Variants in EPAS1 observed in about 807,000 individuals in gnomAD.
The protein encoded by EPAS1 is endothelial PAS domain protein 1.
Under a neutral mutation model 87.9 loss-of-function variants are expected in EPAS1, and 23 were observed. That is an observed-to-expected ratio of 0.26 (90% CI 0.19 to 0.37). The LOEUF (loss-of-function observed/expected upper bound fraction) is 0.37, where lower values mean the gene tolerates loss of function less well. Ranked by LOEUF, EPAS1 falls within the 10% of genes least tolerant of loss-of-function variation. EPAS1 has a pLI of 1.00. For missense variants in EPAS1, 1,138 were observed against 1,120.7 expected, an observed-to-expected ratio of 1.02 and a Z score of -0.22; for synonymous variants, 508 against 444.3, an observed-to-expected ratio of 1.14 and a Z score of -1.80.
chr2:46,356,743 G>A lies in EPAS1; in HGVS notation c.389G>A (p.Ser130Asn). 6.2e-7 allele frequency: 1 copy of A among 1,613,812 alleles called. No homozygotes were observed. The highest frequency in any genetic ancestry group is 2.2e-5 in the East Asian group (1 of 44,878). The change falls in exon 4 of 16, where the codon AGT becomes AAT. Residue 130 changes from serine to asparagine, a missense_variant. Around this residue, in one of 4 missense-constraint regions of EPAS1, gnomAD observed 351 missense variants for 417.1 expected, o/e 0.84. Coordinates refer to ENST00000263734, the MANE Select transcript of EPAS1 (RefSeq NM_001430.5). The part of the protein sequence containing the change: ...GLTQVELTGH[S>N]IFDFTHPCDH... ...AAACAGGTGGAGCTAACAGGACATA[G>A]TATCTTTGACTTCACTCATCCCTGC...
At chr2:46,353,014 TA>T (rs1312817276) in intron 2 of EPAS1, among the ~76,000 whole-genome samples, 1 of 152,192 alleles carries the variant, frequency 6.6e-6, no homozygotes. Context: ...TTAACCCAAA[TA>T]GGGTTGTCTT....
intron 2 of EPAS1, among the ~76,000 whole-genome samples, chr2:46,350,289 A>G (rs564340484): frequency 2.6e-4 from 40 of 152,338 alleles, no homozygotes; most frequent in Non-Finnish European, 4.4e-4. Flanking sequence ...GGTGAGTACC[A>G]ATTTTGGCTC....
chr2:46,362,924 C>T (rs909764400), intron 6 of EPAS1, among the ~76,000 whole-genome samples: 3 of 146,444 alleles, frequency 2.0e-5, no homozygotes, highest in African/African-American at 2.6e-5. Flanking sequence ...CCTGGAACTT[C>T]GACACAGTCA....
At chr2:46,302,158 G>A (rs937274128) in intron 1 of EPAS1, among the ~76,000 whole-genome samples, 8 of 137,186 alleles carry the variant, frequency 5.8e-5, no homozygotes, top group Admixed American at 1.4e-4. Flanking sequence ...GTGCCCGTGC[G>A]TCGGGGGGGG....
At chr2:46,337,709 T>C (rs1163957397) in intron 1 of EPAS1, among the ~76,000 whole-genome samples, 1 of 152,088 alleles carries the variant, frequency 6.6e-6, no homozygotes, top group Admixed American at 6.5e-5. Flanking sequence ...GTAGAAGCCC[T>C]AAGGAAAAAA....
intron 7 of EPAS1, among the ~76,000 whole-genome samples, chr2:46,372,080 T>A (rs2103656197): frequency 6.6e-6 from 1 of 152,348 alleles, no homozygotes; most frequent in Non-Finnish European, 1.5e-5. Flanking sequence ...AAGGTGCTTT[T>A]TACTGAATCC....
At chr2:46,330,294 T>C (rs980738124) in intron 1 of EPAS1, among the ~76,000 whole-genome samples, 4 of 152,218 alleles carry the variant, frequency 2.6e-5, no homozygotes, top group African/African-American at 9.6e-5. Context: ...GCTCCGTTTC[T>C]GAGCTGTTAT....
intron 1 of EPAS1, among the ~76,000 whole-genome samples, chr2:46,321,284 T>C (rs1009723207): frequency 6.6e-6 from 1 of 152,268 alleles, no homozygotes; most frequent in Non-Finnish European, 1.5e-5. Flanking sequence ...TGGTCTTCTG[T>C]CAAGGGACAT....
At chr2:46,363,017 G>GTGGTGGTGA (rs1410002978) in intron 6 of EPAS1, among the ~76,000 whole-genome samples, 1 of 144,278 alleles carries the variant, frequency 6.9e-6, no homozygotes, top group Non-Finnish European at 1.5e-5. Context: ...GGTGGTGGTG[G>GTGGTGGTGA]TGATAATGAT....
intron 1 of EPAS1, among the ~76,000 whole-genome samples, chr2:46,331,268 G>C (rs185388270): frequency 6.6e-6 from 1 of 152,300 alleles, no homozygotes; most frequent in African/African-American, 2.4e-5. Context: ...GTTCCTGGAG[G>C]GTAGGGATCT....
chr2:46,336,983 C>G (rs941657712), intron 1 of EPAS1, among the ~76,000 whole-genome samples: 1 of 152,144 alleles, frequency 6.6e-6, no homozygotes, highest in African/African-American at 2.4e-5. Context: ...CTTGAGTGTC[C>G]GCAGGGTGAC....
rs1685027325 is a variant in EPAS1, at chr2:46,386,459, C to T, written c.*1799C>T. ...TTGAAGGGTTACTGACGTGTAAATG[C>T]TGGTATTTGATTTCCTGTGTGTGTT... On this transcript the variant is annotated 3_prime_UTR_variant, in exon 16 of 16. Coordinates refer to ENST00000263734, the MANE Select transcript of EPAS1 (RefSeq NM_001430.5). 6.6e-6 allele frequency: 1 copy of T among 152,618 alleles called. No individual in the cohort carries two copies. The highest frequency in any genetic ancestry group is 2.4e-5 in the African/African-American group (1 of 41,440). 9.5% of individuals were successfully genotyped at this position (152,618 alleles called of 1,614,324 possible). A position where few individuals can be genotyped will look rare whatever the true frequency, so the allele number is the denominator to read the frequency against.
rs375877310 is a variant in EPAS1, at chr2:46,306,591, C to T, written c.26+8654C>T. 1.1e-4 allele frequency among the ~76,000 whole-genome samples: 17 copies of T among 152,312 alleles called. No individual in the cohort carries two copies. The South Asian group carries it at 2.1e-3, about 19-fold the overall frequency. On this transcript the variant is annotated intron_variant, in intron 1 of 15. Coordinates refer to ENST00000263734, the MANE Select transcript of EPAS1 (RefSeq NM_001430.5). ...CCTTTATGACTTCCTGTTACTGAAGCACTTTGGAGTATTGAGAAAGATTGT... is the reference window on the plus strand; with the variant it reads ...CCTTTATGACTTCCTGTTACTGAAGTACTTTGGAGTATTGAGAAAGATTGT...
chr2:46,381,370 C>T (rs1161576827), intron 12 of EPAS1: 3 of 626,698 alleles, frequency 4.8e-6, no homozygotes, highest in African/African-American at 1.8e-5. Context: ...AGGCAGCCAT[C>T]CCCCAGACCA....
intron 1 of EPAS1, among the ~76,000 whole-genome samples, chr2:46,316,720 G>T (rs754013462): frequency 6.6e-6 from 1 of 152,118 alleles, no homozygotes; most frequent in Non-Finnish European, 1.5e-5. Context: ...TGAAGGTTGG[G>T]GTGGCTGTGG....
At chr2:46,307,540 C>G (rs1446553377) in intron 1 of EPAS1, among the ~76,000 whole-genome samples, 8 of 152,094 alleles carry the variant, frequency 5.3e-5, no homozygotes, top group African/African-American at 1.9e-4. Flanking sequence ...TCTTGGTTTT[C>G]TGGCTTTCTT....
chr2:46,382,519 C>A lies in EPAS1; in HGVS notation c.2382C>A (p.Asn794Lys). 6.2e-7 allele frequency: 1 copy of A among 1,614,172 alleles called. No individual in the cohort carries two copies. Among genetic ancestry groups the A allele is most frequent in the South Asian group, 1.1e-5 (1 of 91,086 alleles). The change falls in exon 15 of 16, where the codon AAC becomes AAA. Residue 794 changes from asparagine to lysine, a missense_variant. Asn to Lys is a moderately conservative substitution (Grantham distance 94, BLOSUM62 0). Around this residue, in one of 4 missense-constraint regions of EPAS1, gnomAD observed 502 missense variants for 427.1 expected, o/e 1.18. Transcript: ENST00000263734. ...CATCTGCCATCAGTCCCGGGGAGAA[C>A]AGCAAGAGCAGGTTCCCCCCACAGT... ...QPPSAISPGE[N>K]SKSRFPPQCY...
intron 1 of EPAS1, among the ~76,000 whole-genome samples, chr2:46,302,734 GA>G (rs368452487): frequency 0.022 from 2,679 of 119,166 alleles, 24 homozygotes; most frequent in Non-Finnish European, 0.03. Flanking sequence ...GTCTGATTAG[GA>G]AAAAAAAAAA....
intron 1 of EPAS1, among the ~76,000 whole-genome samples, chr2:46,332,473 G>C (rs867108691): frequency 6.6e-6 from 1 of 152,104 alleles, no homozygotes; most frequent in Non-Finnish European, 1.5e-5. Context: ...CAGATAAGAG[G>C]GGCAGCTGGG....
Sources: allele counts gnomAD v4.1 joint callset (sites outside exome capture counted in the v4.1 genomes callset), GRCh38; gene constraint gnomAD v4.1.1; regional missense constraint gnomAD v4.1.1; transcripts MANE v1.5; gene names NCBI Gene and HGNC (gene_info 2026-07-23, HGNC 2026-07-21).